The following RASGRF2 variants were observed in gnomAD, a reference collection of about 807,000 sequenced individuals.
The protein encoded by RASGRF2 is Ras protein specific guanine nucleotide releasing factor 2, also known as ras-specific guanine nucleotide-releasing factor 2.
RASGRF2 carries 76 observed loss-of-function variants against 151.0 expected under a neutral mutation model. That is an observed-to-expected ratio of 0.50 (90% CI 0.42 to 0.61). The LOEUF is 0.61. Ranked by LOEUF, RASGRF2 falls within the 20% of genes least tolerant of loss-of-function variation. The pLI, the probability that RASGRF2 is intolerant of heterozygous loss-of-function variation, is 0.00. For missense variants in RASGRF2, 1,148 were observed against 1,564.6 expected (o/e 0.73, Z 4.49); for synonymous variants, 504 against 566.5 (o/e 0.89, Z 1.57).
intron 17 of RASGRF2, among the ~76,000 whole-genome samples, chr5:81,163,110 G>A (rs748029116): frequency 1.3e-4 from 20 of 152,092 alleles, no homozygotes; most frequent in South Asian, 4.2e-4. Context: ...CTGCCTCTGC[G>A]GAGGCTGCCT....
chr5:81,076,051 C>T (rs1011239653), intron 5 of RASGRF2, among the ~76,000 whole-genome samples: 3 of 152,128 alleles, frequency 2.0e-5, no homozygotes, highest in Non-Finnish European at 2.9e-5. Context: ...GAACCAACAA[C>T]GATGCCAAAA....
intron 1 of RASGRF2, chr5:81,019,684 G>A (rs1377664795): frequency 6.6e-6 from 1 of 152,104 alleles, no homozygotes; most frequent in African/African-American, 2.4e-5. Flanking sequence ...TCTGCTGTAT[G>A]CTTTTAAAGA....
rs746059691 is a variant in RASGRF2 at position 81,080,083 on chromosome 5, A to T, written c.888-38A>T. Reference sequence around the variant, plus strand: ...GGATTTTAAACAAAATAAACACATTATAGCAACTAAATTATATTATTTTTC... The same window carrying T: ...GGATTTTAAACAAAATAAACACATTTTAGCAACTAAATTATATTATTTTTC... On this transcript the variant is annotated intron_variant, in intron 5 of 26. Coordinates refer to ENST00000265080, the MANE Select transcript of RASGRF2 (RefSeq NM_006909.3). 1.1e-5 allele frequency: 17 copies of T among 1,582,050 alleles called. No homozygotes were observed. In the South Asian group the frequency reaches 1.4e-4, roughly 13 times the overall value.
intron 18 of RASGRF2, among the ~76,000 whole-genome samples, chr5:81,182,223 A>C (rs1754932264): frequency 6.6e-6 from 1 of 152,210 alleles, no homozygotes. Flanking sequence ...TCAGGGATCC[A>C]GTCTTCTCTT....
chr5:81,113,667 A>G lies in RASGRF2; in HGVS notation c.2217A>G (p.Pro739=), dbSNP rs1285238168. 3 of 1,613,446 alleles carry G rather than the reference A, an allele frequency of 1.9e-6. No homozygotes were observed. Among genetic ancestry groups the G allele is most frequent in the Non-Finnish European group, 2.5e-6 (3 of 1,179,350 alleles). Residue 739 remains proline (P), a synonymous_variant, in exon 15 of 27, where the codon CCA becomes CCG. Coordinates refer to ENST00000265080, the MANE Select transcript of RASGRF2 (RefSeq NM_006909.3). ...TGGCTGTGTCCAGAACATCTTCCCCAGTGAGGGCCAGAAAGCTGTCTTTGA... is the reference window on the plus strand; with the variant it reads ...TGGCTGTGTCCAGAACATCTTCCCCGGTGAGGGCCAGAAAGCTGTCTTTGA... ...PPLAVSRTSS[P]VRARKLSLTS...
intron 2 of RASGRF2, among the ~76,000 whole-genome samples, chr5:81,065,513 G>A (rs1751576071): frequency 6.6e-6 from 1 of 152,144 alleles, no homozygotes; most frequent in Non-Finnish European, 1.5e-5. Context: ...CTGTCAGCTG[G>A]GGACATGTCA....
At chr5:81,151,117 T>C (rs1754123294) in intron 17 of RASGRF2, among the ~76,000 whole-genome samples, 1 of 152,204 alleles carries the variant, frequency 6.6e-6, no homozygotes, top group Non-Finnish European at 1.5e-5. Flanking sequence ...ATGATCTCTG[T>C]TTACAATTAG....
rs1397222267 is a variant in RASGRF2 at position 80,998,410 on chromosome 5, T to G, written c.288+37384T>G. On this transcript the variant is annotated intron_variant, in intron 1 of 26. Coordinates refer to ENST00000265080, the MANE Select transcript of RASGRF2 (RefSeq NM_006909.3). ...TTTAAATGATCATCTGGGCTTTACA[T>G]GTAGGTTGATTCTTGAAAGACAAAA... Among the ~76,000 whole-genome samples the G allele has an allele frequency of 3.9e-5, 6 of 152,204 alleles. No homozygotes were observed. The East Asian group carries it at 5.8e-4, about 15-fold the overall frequency.
chr5:81,028,908 G>T (rs1026012180), intron 1 of RASGRF2, among the ~76,000 whole-genome samples: 1 of 152,296 alleles, frequency 6.6e-6, no homozygotes, highest in East Asian at 1.9e-4. Context: ...GCCAAGGGAA[G>T]CCCTGCCAGA....
chr5:81,197,462 CAAAAAAA>C (rs10674027), intron 18 of RASGRF2, among the ~76,000 whole-genome samples: 44 of 63,724 alleles, frequency 6.9e-4, no homozygotes, highest in East Asian at 3.6e-3. Context: ...GACTCCGTCT[CAAAAAAA>C]AAAAAAAAAA....
chr5:81,135,964 CTG>C (rs995410864), intron 17 of RASGRF2, among the ~76,000 whole-genome samples: 5 of 152,094 alleles, frequency 3.3e-5, no homozygotes, highest in African/African-American at 1.2e-4. Flanking sequence ...TGTAATATTA[CTG>C]TGAGTTATTT....
chr5:81,157,092 G>A (rs1051653699), intron 17 of RASGRF2, among the ~76,000 whole-genome samples: 14 of 152,134 alleles, frequency 9.2e-5, no homozygotes, highest in Admixed American at 2.0e-4. Flanking sequence ...ACGGCTGGGC[G>A]CGGTGGCTCA....
chr5:81,016,308 A>C (rs1275940661), intron 1 of RASGRF2, among the ~76,000 whole-genome samples: 2 of 151,836 alleles, frequency 1.3e-5, no homozygotes, highest in African/African-American at 4.8e-5. Flanking sequence ...CTTTGCATAA[A>C]TCTCAATAGG....
At chr5:80,975,807 T>A (rs977949952) in intron 1 of RASGRF2, among the ~76,000 whole-genome samples, 2 of 152,092 alleles carry the variant, frequency 1.3e-5, no homozygotes, top group African/African-American at 4.8e-5. Flanking sequence ...TGTCTGTTGA[T>A]CTATTGTATA....
chr5:81,190,055 A>G (rs1428278036), intron 18 of RASGRF2, among the ~76,000 whole-genome samples: 1 of 152,148 alleles, frequency 6.6e-6, no homozygotes, highest in African/African-American at 2.4e-5. Context: ...ATCAGCACCC[A>G]TTCACTTCTA....
intron 18 of RASGRF2, among the ~76,000 whole-genome samples, chr5:81,195,118 T>G (rs1297129161): frequency 1.3e-5 from 2 of 152,208 alleles, no homozygotes. Flanking sequence ...TCCTGGCGCA[T>G]GAGGCTTCGT....
chr5:80,961,958 A>G (rs1337797302), intron 1 of RASGRF2, among the ~76,000 whole-genome samples: 1 of 152,204 alleles, frequency 6.6e-6, no homozygotes, highest in Non-Finnish European at 1.5e-5. Context: ...CTTGATATGA[A>G]AAAGGCTGAT....
chr5:81,229,228 A>G lies in RASGRF2; in HGVS notation c.*3458A>G, dbSNP rs1407289910. 1 of 152,238 alleles carries G rather than the reference A, an allele frequency of 6.6e-6. No homozygotes were observed. Among genetic ancestry groups the G allele is most frequent in the Non-Finnish European group, 1.5e-5 (1 of 68,036 alleles). The allele number at this position is 152,238 out of a possible 1,614,324, so 9.4% of individuals were successfully genotyped here. A position where few individuals can be genotyped will look rare whatever the true frequency, so the allele number is the denominator to read the frequency against. On this transcript the variant is annotated 3_prime_UTR_variant, in exon 27 of 27. Coordinates refer to ENST00000265080, the MANE Select transcript of RASGRF2 (RefSeq NM_006909.3). Reference sequence around the variant, plus strand: ...ACTTTAAAGTATAAAGGTTTTTAAAAATCCAATTGCAAAATGTATTATTTT... The same window carrying G: ...ACTTTAAAGTATAAAGGTTTTTAAAGATCCAATTGCAAAATGTATTATTTT...
chr5:80,973,654 G>A (rs867797398), intron 1 of RASGRF2, among the ~76,000 whole-genome samples: 13 of 152,246 alleles, frequency 8.5e-5, no homozygotes, highest in Non-Finnish European at 1.3e-4. Flanking sequence ...TGGTCAGGAC[G>A]GTATCCTGAA....
Sources: allele counts gnomAD v4.1 joint callset (sites outside exome capture counted in the v4.1 genomes callset), GRCh38; gene constraint gnomAD v4.1.1; transcripts MANE v1.5; gene names NCBI Gene and HGNC (gene_info 2026-07-23, HGNC 2026-07-21).